Variants in LHFPL3 observed in about 807,000 individuals in gnomAD.
The protein encoded by LHFPL3 is LHFPL tetraspan subfamily member 3 protein.
In LHFPL3, 5 loss-of-function variants were observed where a neutral mutation model predicts 19.3. The observed-to-expected ratio is 0.26, with a 90% confidence interval of 0.14 to 0.54. LHFPL3 has a LOEUF of 0.54. LHFPL3 is among the 20% of genes least tolerant of loss of function. The pLI is 0.94. For missense variants in LHFPL3, 249 were observed against 307.4 expected, an observed-to-expected ratio of 0.81 and a Z score of 1.42; for synonymous variants, 133 against 126.2, an observed-to-expected ratio of 1.05 and a Z score of -0.36.
At chr7:104,880,993 AC>A (rs758519082) in intron 2 of LHFPL3, among the ~76,000 whole-genome samples, 6 of 152,054 alleles carry the variant, frequency 3.9e-5, no homozygotes, top group Non-Finnish European at 7.4e-5. Context: ...ACACAATGAA[AC>A]CCCATCTCTA....
At chr7:104,628,013 T>C (rs892989049) in intron 1 of LHFPL3, among the ~76,000 whole-genome samples, 1 of 152,180 alleles carries the variant, frequency 6.6e-6, no homozygotes, top group Non-Finnish European at 1.5e-5. Context: ...TCTATAATCA[T>C]TAAATGTGAT....
intron 1 of LHFPL3, among the ~76,000 whole-genome samples, chr7:104,711,067 C>T (rs1353104261): frequency 2.0e-5 from 3 of 152,136 alleles, no homozygotes; most frequent in African/African-American, 7.2e-5. Flanking sequence ...TGTATCAATA[C>T]CTAGAGATAA....
chr7:104,469,431 CTTTA>C (rs769818699), intron 1 of LHFPL3, among the ~76,000 whole-genome samples: 3 of 152,126 alleles, frequency 2.0e-5, no homozygotes, highest in Non-Finnish European at 4.4e-5. Flanking sequence ...TCAAACTGGA[CTTTA>C]TTTGTTTGTG....
chr7:104,575,559 TAAA>T (rs58118006), intron 1 of LHFPL3, among the ~76,000 whole-genome samples: 1,491 of 36,080 alleles, frequency 0.041, 23 homozygotes, highest in African/African-American at 0.11. Flanking sequence ...CAAAGAGATC[TAAA>T]AAAAAAAAAA....
intron 1 of LHFPL3, among the ~76,000 whole-genome samples, chr7:104,519,622 C>G (rs1584376104): frequency 1.3e-5 from 2 of 152,120 alleles, no homozygotes; most frequent in East Asian, 3.9e-4. Flanking sequence ...ACTCCTCCAG[C>G]TGATCTCTTG....
chr7:104,498,093 G>T (rs1793523419), intron 1 of LHFPL3, among the ~76,000 whole-genome samples: 1 of 152,178 alleles, frequency 6.6e-6, no homozygotes, highest in South Asian at 2.1e-4. Flanking sequence ...ATCTATCATG[G>T]ATCCTCAGTT....
At chr7:104,720,012 G>C (rs988483778) in intron 1 of LHFPL3, among the ~76,000 whole-genome samples, 2 of 152,094 alleles carry the variant, frequency 1.3e-5, no homozygotes, top group Non-Finnish European at 2.9e-5. Context: ...GAGGAAGATG[G>C]GAACCAAAAT....
intron 2 of LHFPL3, among the ~76,000 whole-genome samples, chr7:104,820,509 C>T (rs1223641474): frequency 6.6e-6 from 1 of 152,130 alleles, no homozygotes; most frequent in Non-Finnish European, 1.5e-5. Context: ...AATCAGGAGG[C>T]AGATGAATTG....
chr7:104,420,590 C>T (rs1188107189), intron 1 of LHFPL3, among the ~76,000 whole-genome samples: 2 of 123,046 alleles, frequency 1.6e-5, no homozygotes, highest in South Asian at 2.6e-4. Context: ...GACGGAGTCT[C>T]GCTCTTTCGC....
chr7:104,744,264 A>T (rs1262463146), intron 2 of LHFPL3: 1 of 152,188 alleles, frequency 6.6e-6, no homozygotes, highest in Non-Finnish European at 1.5e-5. Context: ...GCATTTAAGA[A>T]TGAGGAATAG....
chr7:104,557,804 A>C (rs979616766), intron 1 of LHFPL3, among the ~76,000 whole-genome samples: 6 of 150,418 alleles, frequency 4.0e-5, no homozygotes, highest in African/African-American at 1.2e-4. Context: ...CATTAGGTAT[A>C]TCTCCCAATG....
At chr7:104,511,944 CTTTTT>C (rs58712044) in intron 1 of LHFPL3, among the ~76,000 whole-genome samples, 2 of 111,982 alleles carry the variant, frequency 1.8e-5, no homozygotes, top group Non-Finnish European at 1.8e-5. Context: ...CTTTCCTTTT[CTTTTT>C]TTTTTTTTTT....
chr7:104,555,037 G>A (rs1794737803), intron 1 of LHFPL3, among the ~76,000 whole-genome samples: 1 of 152,150 alleles, frequency 6.6e-6, no homozygotes, highest in Non-Finnish European at 1.5e-5. Context: ...CCAGGTGACT[G>A]GATGGTGCCT....
At chr7:104,329,394 G>C (rs1027684633) in intron 1 of LHFPL3, among the ~76,000 whole-genome samples, 170 bp downstream of exon 1, 39 of 152,308 alleles carry the variant, frequency 2.6e-4, no homozygotes, top group Non-Finnish European at 4.4e-4. Flanking sequence ...GGAACCCCCG[G>C]GGTTCCCCAG....
intron 2 of LHFPL3, among the ~76,000 whole-genome samples, chr7:104,886,372 T>C (rs925313425): frequency 3.3e-5 from 5 of 152,098 alleles, no homozygotes; most frequent in African/African-American, 1.2e-4. Context: ...TATTTTGTTT[T>C]GTTTTGTTTT....
At chr7:104,462,269 C>T (rs1053823700) in intron 1 of LHFPL3, among the ~76,000 whole-genome samples, 22 of 152,160 alleles carry the variant, frequency 1.4e-4, no homozygotes, top group Non-Finnish European at 2.4e-4. Context: ...CCAGGACTTC[C>T]AATACTACAT....
chr7:104,734,098 G>T (rs1292617173), intron 1 of LHFPL3, among the ~76,000 whole-genome samples: 1 of 152,206 alleles, frequency 6.6e-6, no homozygotes, highest in Admixed American at 6.5e-5. Context: ...TCAGCTGTTA[G>T]TCTGATGGGC....
intron 1 of LHFPL3, among the ~76,000 whole-genome samples, chr7:104,430,406 A>ATATATGTATATATATATATATATG (rs1562895155): frequency 3.2e-5 from 1 of 31,400 alleles, no homozygotes; most frequent in Non-Finnish European, 5.2e-5. Flanking sequence ...ATATATATAC[A>ATATATGTATATATATATATATATG]TATATATATA....
At chr7:104,632,497 T>C (rs1791661844) in intron 1 of LHFPL3, among the ~76,000 whole-genome samples, 2 of 152,246 alleles carry the variant, frequency 1.3e-5, no homozygotes, top group Admixed American at 1.3e-4. Flanking sequence ...CATTATGAAA[T>C]AACCTGATTA....
Sources: gnomAD v4.1 joint callset for allele counts (sites outside exome capture counted in the v4.1 genomes callset) on GRCh38, gnomAD v4.1.1 for gene constraint, MANE v1.5 for transcripts, NCBI Gene and HGNC (gene_info 2026-07-23, HGNC 2026-07-21) for gene names.